STARD4: variants seen among roughly 807,000 people sequenced by gnomAD.
STARD4 encodes StAR related lipid transfer domain containing 4, also known as stAR-related lipid transfer protein 4.
STARD4 carries 33 observed loss-of-function variants against 24.9 expected under a neutral mutation model. The ratio of observed to expected loss-of-function variants is 1.32; its 90% CI spans 1.00 to 1.77. The LOEUF (loss-of-function observed/expected upper bound fraction) is 1.77, where lower values mean the gene tolerates loss of function less well. STARD4 is among the 40% of genes most tolerant of loss of function. The pLI is 0.00. For synonymous variants in STARD4, 88 were observed against 77.4 expected (o/e 1.14, Z -0.72); for missense variants, 238 against 249.3 (o/e 0.95, Z 0.31).
intron 5 of STARD4, chr5:111,500,520 T>A (rs935727694): frequency 1.8e-5 from 19 of 1,041,776 alleles, no homozygotes; most frequent in African/African-American, 5.1e-5. Context: ...CTAACTTAAG[T>A]ATACACTATA....
At chr5:111,502,395 G>A (rs1417214325) in intron 3 of STARD4, among the ~76,000 whole-genome samples, 2 of 152,030 alleles carry the variant, frequency 1.3e-5, no homozygotes, top group Admixed American at 6.5e-5. Flanking sequence ...CTTGAACCCC[G>A]GAGGTGGAGG....
Position 111,507,552 on chromosome 5 carries a change from A to C in STARD4, c.-9-110T>G. On this transcript the variant is annotated intron_variant, in intron 1 of 5. Coordinates refer to ENST00000296632, the MANE Select transcript of STARD4 (RefSeq NM_139164.3). The surrounding 1 kb of genome is among the most constrained non-coding windows in gnomAD (Gnocchi z 4.4). ...TAATAACCTACCAGAGCTATAAAAG[A>C]TAGCTACCCTCACCCCAAATCAACT... The C allele has an allele frequency of 1.4e-6, 1 of 694,326 alleles. No homozygotes were observed. Among genetic ancestry groups the C allele is most frequent in the South Asian group, 2.3e-5 (1 of 44,262 alleles). 43.0% of individuals were successfully genotyped at this position (694,326 alleles called of 1,614,324 possible).
At position 111,507,568 on chromosome 5, in the gene STARD4, C is replaced by G; in HGVS notation, c.-9-126G>C. The G allele has an allele frequency of 1.7e-6, 1 of 589,898 alleles. No individual in the cohort carries two copies. 36.5% of individuals were successfully genotyped at this position (589,898 alleles called of 1,614,324 possible). On this transcript the variant is annotated intron_variant, in intron 1 of 5. Coordinates refer to ENST00000296632, the MANE Select transcript of STARD4 (RefSeq NM_139164.3). The surrounding 1 kb of genome is among the most constrained non-coding windows in gnomAD (Gnocchi z 4.4). ...CTATAAAAGATAGCTACCCTCACCCCAAATCAACTAATCATAATCTCTGAG... is the reference window on the plus strand; with the variant it reads ...CTATAAAAGATAGCTACCCTCACCCGAAATCAACTAATCATAATCTCTGAG...
At position 111,496,419 on chromosome 5, in the gene STARD4, C is replaced by G. The variant is rs947928500; in HGVS notation, c.*3467G>C. Reference sequence around the variant, plus strand: ...CAGGCAACACAGGTTCTAGGGGAAACCTGATCAAGCCCTTAGCTTCTCTAG... The same window carrying G: ...CAGGCAACACAGGTTCTAGGGGAAAGCTGATCAAGCCCTTAGCTTCTCTAG... On this transcript the variant is annotated 3_prime_UTR_variant, in exon 6 of 6. Transcript: ENST00000296632. The G allele has an allele frequency of 2.6e-5, 4 of 152,042 alleles. No homozygotes were observed. Among genetic ancestry groups the G allele is most frequent in the Admixed American group, 1.3e-4 (2 of 15,242 alleles). The allele number at this position is 152,042 out of a possible 1,614,324, so 9.4% of individuals were successfully genotyped here.
Position 111,499,971 on chromosome 5 carries a change from C to G in STARD4, c.533G>C (p.Arg178Pro), listed in dbSNP as rs753473500. 4.3e-6 allele frequency: 7 copies of G among 1,614,020 alleles called. No homozygotes were observed. The African/African-American group carries it at 9.3e-5, about 22-fold the overall frequency. Reference protein sequence around the residue: ...LLTGYIQTDLRGMIPQSAVDT... With the variant: ...LLTGYIQTDLPGMIPQSAVDT... Reference sequence around the variant, plus strand: ...TACCGCAGACTGAGGAATCATCCCACGCAGATCTGTCTGAATATATCCTGT... The same window carrying G: ...TACCGCAGACTGAGGAATCATCCCAGGCAGATCTGTCTGAATATATCCTGT... The change falls in exon 6 of 6, where the codon CGT (arginine) becomes CCT (proline). Residue 178 changes from arginine to proline, a missense_variant. Arg to Pro is a moderately radical substitution (Grantham distance 103, BLOSUM62 -2). Transcript: ENST00000296632.
chr5:111,511,152 T>C (rs1196012240), intron 1 of STARD4, among the ~76,000 whole-genome samples: 3 of 152,228 alleles, frequency 2.0e-5, no homozygotes, highest in Admixed American at 1.3e-4. Flanking sequence ...CTCAGACAAG[T>C]ACAGCAGCTT....
At position 111,498,714 on chromosome 5, in the gene STARD4, A is replaced by C. The variant is rs891971662; in HGVS notation, c.*1172T>G. On this transcript the variant is annotated 3_prime_UTR_variant, in exon 6 of 6. Coordinates refer to ENST00000296632, the MANE Select transcript of STARD4 (RefSeq NM_139164.3). Reference sequence around the variant, plus strand: ...GCATTCCTTCTGTCAGATCTTGATCAATCTAGATACTATGAGATAATTCAC... The same window carrying C: ...GCATTCCTTCTGTCAGATCTTGATCCATCTAGATACTATGAGATAATTCAC... 6 of 152,208 alleles carry C rather than the reference A, an allele frequency of 3.9e-5. No individual in the cohort carries two copies. The highest frequency in any genetic ancestry group is 2.6e-4 in the Admixed American group (4 of 15,266). 9.4% of individuals were successfully genotyped at this position (152,208 alleles called of 1,614,324 possible). A position where few individuals can be genotyped will look rare whatever the true frequency, so the allele number is the denominator to read the frequency against.
Position 111,496,514 on chromosome 5 carries a change from C to T in STARD4, c.*3372G>A, listed in dbSNP as rs553567490. On this transcript the variant is annotated 3_prime_UTR_variant, in exon 6 of 6. Transcript: ENST00000296632. ...TAATTAAAAGAAACTGGATTTAAAA[C>T]ACCTGATTCTAAGGACGGTGGTACA... is the stretch of plus-strand genomic sequence containing the variant. The T allele has an allele frequency of 6.6e-6, 1 of 152,218 alleles. No individual in the cohort carries two copies. The highest frequency in any genetic ancestry group is 2.1e-4 in the South Asian group (1 of 4,830). The allele number at this position is 152,218 out of a possible 1,614,324, so 9.4% of individuals were successfully genotyped here. A position where few individuals can be genotyped will look rare whatever the true frequency, so the allele number is the denominator to read the frequency against.
intron 3 of STARD4, among the ~76,000 whole-genome samples, chr5:111,503,255 C>T (rs1038024546): frequency 6.6e-6 from 1 of 152,122 alleles, no homozygotes; most frequent in Non-Finnish European, 1.5e-5. Flanking sequence ...CAATAGTTAT[C>T]CTTATGGAGA....
At chr5:111,511,619 T>C (rs1006200174) in intron 1 of STARD4, among the ~76,000 whole-genome samples, 1 of 152,164 alleles carries the variant, frequency 6.6e-6, no homozygotes, top group African/African-American at 2.4e-5. Context: ...TTGTCCAAGA[T>C]CACACAGTTC....
chr5:111,505,466 G>C (rs1170658375), intron 3 of STARD4, among the ~76,000 whole-genome samples: 4 of 152,142 alleles, frequency 2.6e-5, no homozygotes, highest in Non-Finnish European at 5.9e-5. Context: ...TCTACTCCAA[G>C]TATGCAAGGC....
At chr5:111,503,412 C>T (rs367692311) in intron 3 of STARD4, among the ~76,000 whole-genome samples, 116 of 152,256 alleles carry the variant, frequency 7.6e-4, no homozygotes, top group African/African-American at 2.6e-3. Context: ...GGGCGGACCA[C>T]GAGGTCAGGA....
chr5:111,500,055 T>A lies in STARD4; in HGVS notation c.449A>T (p.Asn150Ile). The change falls in exon 6 of 6, where the codon AAC (asparagine) becomes ATC (isoleucine). Residue 150 changes from asparagine to isoleucine, a missense_variant. Physicochemically the swap from Asn to Ile is moderately radical, Grantham distance 149 (BLOSUM62 -3). Transcript: ENST00000296632. Reference sequence around the variant, plus strand: ...AACACAAAACCAACCACAGGGATGGTTATATCCTCGAACAAATTCTGGTCT... The same window carrying A: ...AACACAAAACCAACCACAGGGATGGATATATCCTCGAACAAATTCTGGTCT... ...EKRPEFVRGY[N>I]HPCGWFCVPL... The A allele has an allele frequency of 6.2e-7, 1 of 1,614,006 alleles. No individual in the cohort carries two copies. The highest frequency in any genetic ancestry group is 8.5e-7 in the Non-Finnish European group (1 of 1,179,922).
rs1037653726 is a variant in STARD4 at position 111,499,606 on chromosome 5, C to T, written c.*280G>A. ...GGCTGAGGTAGAATAACCCCTTGAG[C>T]GGTCAGATCAAAGCTGCAGTGAGCT... On this transcript the variant is annotated 3_prime_UTR_variant, in exon 6 of 6. Transcript: ENST00000296632. 1.4e-5 allele frequency: 5 copies of T among 363,288 alleles called. No individual in the cohort carries two copies. The highest frequency in any genetic ancestry group is 1.1e-4 in the South Asian group (3 of 26,182). 22.5% of individuals were successfully genotyped at this position (363,288 alleles called of 1,614,324 possible).
chr5:111,512,178 T>G (rs559181860), intron 1 of STARD4: 1 of 152,302 alleles, frequency 6.6e-6, no homozygotes, highest in Admixed American at 6.5e-5. Context: ...CCGCTTCCCC[T>G]CCCAGGGGCT....
In STARD4 at chr5:111,507,654, G is replaced by T. The variant is rs1036137703; in HGVS notation, c.-9-212C>A. 6.6e-6 allele frequency among the ~76,000 whole-genome samples: 1 copy of T among 152,136 alleles called. No homozygotes were observed. Among genetic ancestry groups the T allele is most frequent in the Non-Finnish European group, 1.5e-5 (1 of 67,996 alleles). On this transcript the variant is annotated intron_variant, in intron 1 of 5. Coordinates refer to ENST00000296632, the MANE Select transcript of STARD4 (RefSeq NM_139164.3). The surrounding 1 kb of genome is among the most constrained non-coding windows in gnomAD (Gnocchi z 4.4). Reference sequence around the variant, plus strand: ...CCAAGATGAATAACCCATAGCCAGAGGTGAGAATTACATATTTTTTACAAT... The same window carrying T: ...CCAAGATGAATAACCCATAGCCAGATGTGAGAATTACATATTTTTTACAAT...
At chr5:111,504,442 TAAA>T (rs985068646) in intron 3 of STARD4, among the ~76,000 whole-genome samples, 3 of 152,082 alleles carry the variant, frequency 2.0e-5, no homozygotes, top group Admixed American at 6.5e-5. Context: ...CACATGAATA[TAAA>T]AAACACACCA....
At position 111,498,329 on chromosome 5, in the gene STARD4, T is replaced by G. The variant is rs1054610536; in HGVS notation, c.*1557A>C. ...GACAAAGAGAGCACTAGAGTAGAGA[T>G]AGTGGGCAGTTTATTTGCTTTTAGG... On this transcript the variant is annotated 3_prime_UTR_variant, in exon 6 of 6. Coordinates refer to ENST00000296632, the MANE Select transcript of STARD4 (RefSeq NM_139164.3). The G allele has an allele frequency of 6.6e-6, 1 of 151,834 alleles. No individual in the cohort carries two copies. The highest frequency in any genetic ancestry group is 2.4e-5 in the African/African-American group (1 of 41,358). 9.4% of individuals were successfully genotyped at this position (151,834 alleles called of 1,614,324 possible). A position where few individuals can be genotyped will look rare whatever the true frequency, so the allele number is the denominator to read the frequency against.
At position 111,501,080 on chromosome 5, in the gene STARD4, G is replaced by T; in HGVS notation, c.319C>A (p.Leu107Ile). The T allele has an allele frequency of 6.2e-7, 1 of 1,611,410 alleles. No homozygotes were observed. The highest frequency in any genetic ancestry group is 8.5e-7 in the Non-Finnish European group (1 of 1,179,330). ...TCTCTTGGGGAAATTATATTCCAAAGCTGACCAGCAGTAGTGTAACGCATC... is the reference window on the plus strand; with the variant it reads ...TCTCTTGGGGAAATTATATTCCAAATCTGACCAGCAGTAGTGTAACGCATC... ...CVMRYTTAGQ[L>I]WNIISPREFV... Residue 107 changes from leucine to isoleucine, a missense_variant, in exon 5 of 6, where the codon CTT (leucine) becomes ATT (isoleucine). Transcript: ENST00000296632.
Sources: gnomAD v4.1 joint callset for allele counts (sites outside exome capture counted in the v4.1 genomes callset) on GRCh38, gnomAD v4.1.1 for gene constraint, Gnocchi (gnomAD v3.1) non-coding constraint, MANE v1.5 for transcripts, NCBI Gene and HGNC (gene_info 2026-07-23, HGNC 2026-07-21) for gene names.